Variants in IGF2BP3 observed in about 807,000 individuals in gnomAD.
IGF2BP3 encodes insulin like growth factor 2 mRNA binding protein 3, also known as insulin-like growth factor 2 mRNA-binding protein 3.
A neutral mutation model predicts 73.8 loss-of-function variants in IGF2BP3; 9 were observed. The ratio of observed to expected loss-of-function variants is 0.12; its 90% CI spans 0.07 to 0.21. The LOEUF is 0.21. Among genes scored for constraint, IGF2BP3 ranks in the 10% least tolerant of loss-of-function variants. The probability of loss-of-function intolerance (pLI) is 1.00; values close to 1 mark genes in which losing one functional copy is unlikely to be tolerated. For synonymous variants in IGF2BP3, 258 were observed against 256.7 expected (o/e 1.01, Z -0.05); for missense variants, 542 against 714.0 (o/e 0.76, Z 2.75).
intron 10 of IGF2BP3, among the ~76,000 whole-genome samples, chr7:23,337,759 T>C (rs534396350): frequency 6.6e-6 from 1 of 152,330 alleles, no homozygotes; most frequent in Non-Finnish European, 1.5e-5. Flanking sequence ...GGACTGAAAT[T>C]CCTGGGCTCA....
At chr7:23,431,478 G>A (rs1201220432) in intron 2 of IGF2BP3, among the ~76,000 whole-genome samples, 1 of 152,056 alleles carries the variant, frequency 6.6e-6, no homozygotes, top group African/African-American at 2.4e-5. Flanking sequence ...ACATAACTTA[G>A]GAGTAACACA....
intron 10 of IGF2BP3, among the ~76,000 whole-genome samples, chr7:23,339,301 T>G (rs1784650663): frequency 6.6e-6 from 1 of 152,252 alleles, no homozygotes; most frequent in Admixed American, 6.5e-5. Flanking sequence ...TGCCACTGAT[T>G]TAAGTCATTC....
chr7:23,317,914 C>T lies in IGF2BP3; in HGVS notation c.1321-201G>A, dbSNP rs114188828. On this transcript the variant is annotated intron_variant, in intron 11 of 14. Transcript: ENST00000258729. Reference sequence around the variant, plus strand: ...CATATACTATATGCTTATTCTGTGCCGGGCCCTAATGGAGACCTCCACGTG... The same window carrying T: ...CATATACTATATGCTTATTCTGTGCTGGGCCCTAATGGAGACCTCCACGTG... 8.3e-3 allele frequency: 4,839 copies of T among 580,640 alleles called. 123 individuals are homozygous for T. Among genetic ancestry groups the T allele is most frequent in the African/African-American group, 0.062 (3,345 of 54,042 alleles). 36.0% of individuals were successfully genotyped at this position (580,640 alleles called of 1,614,324 possible). A position where few individuals can be genotyped will look rare whatever the true frequency, so the allele number is the denominator to read the frequency against.
intron 2 of IGF2BP3, among the ~76,000 whole-genome samples, chr7:23,457,477 T>A (rs914217411): frequency 1.1e-4 from 16 of 148,908 alleles, no homozygotes; most frequent in Non-Finnish European, 2.1e-4. Context: ...AAAAAAAAAT[T>A]TTTTTTAAAC....
chr7:23,439,742 C>T (rs1401203296), intron 2 of IGF2BP3, among the ~76,000 whole-genome samples: 1 of 152,086 alleles, frequency 6.6e-6, no homozygotes, highest in Non-Finnish European at 1.5e-5. Context: ...GGTCTCCTTT[C>T]CAGTGTTGAT....
chr7:23,416,176 G>A (rs1787184417), intron 3 of IGF2BP3: 2 of 152,068 alleles, frequency 1.3e-5, no homozygotes, highest in East Asian at 1.9e-4. Flanking sequence ...AAGTAGTGGA[G>A]CTAGGACATA....
At chr7:23,369,651 T>C (rs993280279) in intron 3 of IGF2BP3, among the ~76,000 whole-genome samples, 1 of 152,016 alleles carries the variant, frequency 6.6e-6, no homozygotes, top group African/African-American at 2.4e-5. Context: ...ATCACCATCA[T>C]GACAAGTTTC....
At chr7:23,468,571 G>C in intron 1 of IGF2BP3, 29 bp from the exon 2 acceptor site, 4 of 1,611,922 alleles carry the variant, frequency 2.5e-6, no homozygotes, top group South Asian at 1.1e-5. Context: ...TGAGACGGTC[G>C]GCCGAGTTCA....
At chr7:23,407,963 G>T (rs1178947471) in intron 3 of IGF2BP3, among the ~76,000 whole-genome samples, 1,471 of 108,016 alleles carry the variant, frequency 0.014, 41 homozygotes, top group Non-Finnish European at 0.018. Flanking sequence ...CGGGGGGCGG[G>T]GGGGGGGGGA....
intron 10 of IGF2BP3, among the ~76,000 whole-genome samples, chr7:23,335,534 C>T (rs1303099642): frequency 3.3e-5 from 5 of 151,954 alleles, no homozygotes; most frequent in African/African-American, 4.8e-5. Context: ...ACCTTGGCCT[C>T]CCAAAGTGCT....
intron 10 of IGF2BP3, among the ~76,000 whole-genome samples, chr7:23,320,977 C>G (rs13227500): frequency 0.027 from 3,704 of 137,784 alleles, 154 homozygotes; most frequent in African/African-American, 0.092. Context: ...AAAGAAAAAA[C>G]AAAAAAGAAA....
At chr7:23,461,007 T>C (rs1364327189) in intron 2 of IGF2BP3, among the ~76,000 whole-genome samples, 1 of 152,146 alleles carries the variant, frequency 6.6e-6, no homozygotes, top group Non-Finnish European at 1.5e-5. Context: ...AAATGAATTC[T>C]GAAAGAAAGG....
intron 2 of IGF2BP3, among the ~76,000 whole-genome samples, chr7:23,455,739 G>C (rs1325723293): frequency 6.6e-6 from 1 of 152,198 alleles, no homozygotes; most frequent in Non-Finnish European, 1.5e-5. Context: ...AGGCTGGAGT[G>C]CGGTGGCGCG....
At position 23,372,125 on chromosome 7, in the gene IGF2BP3, G is replaced by A. The variant is rs187194200; in HGVS notation, c.286-10384C>T. ...GTCTCACTCTGTCACCCAGGCTGGA[G>A]TGCAGTGGCACGATCTTGGCTCACC... On this transcript the variant is annotated intron_variant, in intron 3 of 14. Coordinates refer to ENST00000258729, the MANE Select transcript of IGF2BP3 (RefSeq NM_006547.3). Among the ~76,000 whole-genome samples the A allele has an allele frequency of 1.4e-3, 210 of 151,650 alleles. 1 individual carries two copies. Among genetic ancestry groups the A allele is most frequent in the African/African-American group, 4.6e-3 (190 of 41,264 alleles).
At chr7:23,463,453 C>T (rs553647839) in intron 2 of IGF2BP3, among the ~76,000 whole-genome samples, 1 of 152,308 alleles carries the variant, frequency 6.6e-6, no homozygotes, top group African/African-American at 2.4e-5. Flanking sequence ...AAGTCAAGCT[C>T]CTTACAGGAA....
chr7:23,356,409 T>G (rs1203290249), intron 5 of IGF2BP3, among the ~76,000 whole-genome samples: 4 of 151,594 alleles, frequency 2.6e-5, no homozygotes, highest in African/African-American at 4.8e-5. Flanking sequence ...AAAAAAAAAT[T>G]AGCTGGGTGT....
chr7:23,378,580 T>G (rs1354630123), intron 3 of IGF2BP3, among the ~76,000 whole-genome samples: 1 of 136,700 alleles, frequency 7.3e-6, no homozygotes, highest in Non-Finnish European at 1.6e-5. Context: ...TTTTTTTTTT[T>G]TTTTTTTTTT....
At chr7:23,329,609 A>G (rs1250545123) in intron 10 of IGF2BP3, among the ~76,000 whole-genome samples, 1 of 152,194 alleles carries the variant, frequency 6.6e-6, no homozygotes, top group Non-Finnish European at 1.5e-5. Flanking sequence ...TACATTTATG[A>G]TACCTTTGAA....
intron 2 of IGF2BP3, among the ~76,000 whole-genome samples, chr7:23,460,890 G>A (rs1372163152): frequency 6.6e-6 from 1 of 151,952 alleles, no homozygotes; most frequent in Non-Finnish European, 1.5e-5. Context: ...GGCGGAGGCT[G>A]CAGTGAGCCA....
Sources: gnomAD v4.1 joint callset for allele counts (sites outside exome capture counted in the v4.1 genomes callset) on GRCh38, gnomAD v4.1.1 for gene constraint, MANE v1.5 for transcripts, NCBI Gene and HGNC (gene_info 2026-07-23, HGNC 2026-07-21) for gene names.